The following UTP25 variants were observed in gnomAD, a reference collection of about 807,000 sequenced individuals.
UTP25 encodes UTP25 small subunit processome component.
UTP25 carries 50 observed loss-of-function variants against 78.9 expected under a neutral mutation model. The observed-to-expected ratio is 0.63, with a 90% CI of 0.50 to 0.80. The LOEUF is 0.80. Ranked by LOEUF, UTP25 falls within the 30% of genes least tolerant of loss-of-function variation. The probability of loss-of-function intolerance (pLI) is 0.00; values close to 1 mark genes in which losing one functional copy is unlikely to be tolerated. For synonymous variants in UTP25, 329 were observed against 336.5 expected, an observed-to-expected ratio of 0.98 and a Z score of 0.24; for missense variants, 846 against 911.3, an observed-to-expected ratio of 0.93 and a Z score of 0.92.
chr1:209,830,889 A>G lies in UTP25; in HGVS notation c.234A>G (p.Thr78=). The G allele has an allele frequency of 1.2e-6, 2 of 1,614,148 alleles. No individual in the cohort carries two copies. Among genetic ancestry groups the G allele is most frequent in the Non-Finnish European group, 1.7e-6 (2 of 1,179,982 alleles). ...CTGGCTACCACAGACTACTTGCTAC[A>G]TTAAAGAATGTTTCTGAGGAAGAAG... ...QVSGYHRLLA[T]LKNVSEEEEE... is the part of the protein sequence containing the mutation. The change falls in exon 3 of 12, where the codon ACA becomes ACG. Residue 78 remains threonine, a synonymous_variant. Transcript: ENST00000491415.
intron 5 of UTP25, among the ~76,000 whole-genome samples, chr1:209,836,427 T>C (rs1244890028): frequency 1.3e-5 from 2 of 152,222 alleles, no homozygotes; most frequent in African/African-American, 4.8e-5. Context: ...AGTTTTGTGA[T>C]GTTTATCAAG....
At chr1:209,844,385 C>T (rs2078183615) in intron 11 of UTP25, 1 of 152,222 alleles carries the variant, frequency 6.6e-6, no homozygotes, top group Non-Finnish European at 1.5e-5. Context: ...AATCCCAGCA[C>T]TTTGGGAGGC....
intron 3 of UTP25, 142 bp from the exon 4 acceptor site, chr1:209,833,043 T>C (rs1050316637): frequency 1.2e-6 from 1 of 835,918 alleles, no homozygotes; most frequent in Non-Finnish European, 1.8e-6. Context: ...AATTTTGAAA[T>C]CTATGTTTTC....
rs536204446 is a variant in UTP25, at chr1:209,832,662, C to T, written c.389-523C>T. Among the ~76,000 whole-genome samples the T allele has an allele frequency of 1.2e-3, 183 of 152,296 alleles. 3 individuals are homozygous for T. Among genetic ancestry groups the T allele is most frequent in the Non-Finnish European group, 4.6e-4 (31 of 68,038 alleles). On this transcript the variant is annotated intron_variant, in intron 3 of 11. Transcript: ENST00000491415. The stretch of plus-strand genomic sequence containing the variant: ...CTTTGGGAGGCTGAGGCAGGCAGAT[C>T]GATTGAGCTTAGGAGTTTGAGACCA...
At chr1:209,840,332 T>C (rs1417936803) in intron 7 of UTP25, among the ~76,000 whole-genome samples, 3 of 152,184 alleles carry the variant, frequency 2.0e-5, no homozygotes, top group Non-Finnish European at 4.4e-5. Context: ...TATTTGGATC[T>C]GGAAGGACAG....
intron 1 of UTP25, among the ~76,000 whole-genome samples, chr1:209,829,224 G>A (rs2078089007): frequency 6.6e-6 from 1 of 152,120 alleles, no homozygotes; most frequent in Admixed American, 6.5e-5. Context: ...AATTCTTTGC[G>A]TTGGGAACAT....
At position 209,856,502 on chromosome 1, in the gene UTP25, G is replaced by C. The variant is rs976241149; in HGVS notation, c.*5055G>C. On this transcript the variant is annotated 3_prime_UTR_variant, in exon 12 of 12. Coordinates refer to ENST00000491415, the MANE Select transcript of UTP25 (RefSeq NM_014388.7). ...GAGGCTATAAGCTCTGTACGTAGGA[G>C]AGTGGTGAAGAAAGGAGCTTGGTTC... 5 of 152,268 alleles carry C rather than the reference G, an allele frequency of 3.3e-5. No individual in the cohort carries two copies. Among genetic ancestry groups the C allele is most frequent in the Admixed American group, 2.0e-4 (3 of 15,280 alleles). 9.4% of individuals were successfully genotyped at this position (152,268 alleles called of 1,614,324 possible). A position where few individuals can be genotyped will look rare whatever the true frequency, so the allele number is the denominator to read the frequency against.
chr1:209,849,571 T>A (rs2102583008), intron 11 of UTP25, among the ~76,000 whole-genome samples: 1 of 152,106 alleles, frequency 6.6e-6, no homozygotes, highest in South Asian at 2.1e-4. Context: ...TTACCATGGG[T>A]TTCACGATAA....
At chr1:209,837,684 A>G (rs972164270) in intron 6 of UTP25, among the ~76,000 whole-genome samples, 3 of 152,214 alleles carry the variant, frequency 2.0e-5, no homozygotes, top group East Asian at 1.9e-4. Context: ...AGCCACATAC[A>G]TACGTCAGCC....
In UTP25 at chr1:209,844,986, A is replaced by G. The variant is rs2078189129; in HGVS notation, c.2027+1290A>G. 3.9e-5 allele frequency among the ~76,000 whole-genome samples: 6 copies of G among 152,336 alleles called. No homozygotes were observed. In the South Asian group the frequency reaches 1.2e-3, roughly 32 times the overall value. On this transcript the variant is annotated intron_variant, in intron 11 of 11. Coordinates refer to ENST00000491415, the MANE Select transcript of UTP25 (RefSeq NM_014388.7). Reference sequence around the variant, plus strand: ...TGGGTGCATTTTCTCAGAGAATCCTAAACAGATACGCCAGAAATCTCCCAA... The same window carrying G: ...TGGGTGCATTTTCTCAGAGAATCCTGAACAGATACGCCAGAAATCTCCCAA...
At chr1:209,841,976 C>A (rs980060035) in intron 8 of UTP25, among the ~76,000 whole-genome samples, 1 of 152,046 alleles carries the variant, frequency 6.6e-6, no homozygotes, top group Admixed American at 6.6e-5. Flanking sequence ...ACTTAGGGAC[C>A]CATAGAGAGA....
At chr1:209,842,946 T>A in intron 10 of UTP25, 1 of 468,918 alleles carries the variant, frequency 2.1e-6, no homozygotes, top group Non-Finnish European at 3.8e-6. Flanking sequence ...CACTCTTGAC[T>A]GTGGCATTTT....
chr1:209,830,480 C>T (rs1387236794), intron 2 of UTP25, among the ~76,000 whole-genome samples: 4 of 148,344 alleles, frequency 2.7e-5, no homozygotes, highest in African/African-American at 7.5e-5. Flanking sequence ...GAACAAAGGG[C>T]CTATCATATT....
In UTP25 at chr1:209,839,068, A is replaced by C; in HGVS notation, c.1222A>C (p.Lys408Gln). 1 of 1,614,094 alleles carries C rather than the reference A, an allele frequency of 6.2e-7. No homozygotes were observed. The highest frequency in any genetic ancestry group is 8.5e-7 in the Non-Finnish European group (1 of 1,179,960). The change falls in exon 7 of 12, where the codon AAG becomes CAG. Residue 408 changes from lysine (K) to glutamine (Q), a missense_variant. By Grantham distance (53) the Lys-to-Gln change is moderately conservative. Coordinates refer to ENST00000491415, the MANE Select transcript of UTP25 (RefSeq NM_014388.7). ...TCCCGAGGAGAGACCACCCAACTTG[A>C]AGAGGCCTGAGGATTATGAAGCCGT... ...SDPEERPPNL[K>Q]RPEDYEAVFV... is the part of the protein sequence containing the mutation.
At chr1:209,844,819 T>G (rs2078187734) in intron 11 of UTP25, among the ~76,000 whole-genome samples, 1 of 152,208 alleles carries the variant, frequency 6.6e-6, no homozygotes, top group South Asian at 2.1e-4. Context: ...ATTTTCAATT[T>G]TCATGGTTGC....
Position 209,851,552 on chromosome 1 carries a change from A to C in UTP25, c.*105A>C, listed in dbSNP as rs2078238601. The stretch of plus-strand genomic sequence containing the variant: ...TTACAGAAGAAGGACTGATACAAAG[A>C]AAGTGCATGAGGCAATGTCAGTATT... On this transcript the variant is annotated 3_prime_UTR_variant, in exon 12 of 12. Coordinates refer to ENST00000491415, the MANE Select transcript of UTP25 (RefSeq NM_014388.7). 1.4e-6 allele frequency: 2 copies of C among 1,403,012 alleles called. No individual in the cohort carries two copies. The highest frequency in any genetic ancestry group is 1.9e-6 in the Non-Finnish European group (2 of 1,042,352). 86.9% of individuals were successfully genotyped at this position (1,403,012 alleles called of 1,614,324 possible).
intron 2 of UTP25, 114 bp downstream of exon 2, chr1:209,830,261 A>G (rs1425905870): frequency 3.0e-6 from 3 of 989,000 alleles, no homozygotes; most frequent in Non-Finnish European, 4.4e-6. Flanking sequence ...GATGCAAGCT[A>G]TTATTTTGGC....
At position 209,852,860 on chromosome 1, in the gene UTP25, A is replaced by G. The variant is rs2078249192; in HGVS notation, c.*1413A>G. ...TCTAAATTTACTTTCATATCCATAT[A>G]TTGAAAACCATGAATTCACACCAGT... is the stretch of plus-strand genomic sequence containing the variant. On this transcript the variant is annotated 3_prime_UTR_variant, in exon 12 of 12. Transcript: ENST00000491415. 6.6e-6 allele frequency: 1 copy of G among 152,216 alleles called. No homozygotes were observed. Among genetic ancestry groups the G allele is most frequent in the African/African-American group, 2.4e-5 (1 of 41,442 alleles). 9.4% of individuals were successfully genotyped at this position (152,216 alleles called of 1,614,324 possible).
At chr1:209,829,558 ACTGCAGC>A (rs1571998395) in intron 1 of UTP25, among the ~76,000 whole-genome samples, 2 of 150,468 alleles carry the variant, frequency 1.3e-5, no homozygotes, top group Admixed American at 1.3e-4. Flanking sequence ...ATCCTGGCTC[ACTGCAGC>A]CACCACCTCC....
Sources: gnomAD v4.1 joint callset for allele counts (sites outside exome capture counted in the v4.1 genomes callset) on GRCh38, gnomAD v4.1.1 for gene constraint, MANE v1.5 for transcripts, NCBI Gene and HGNC (gene_info 2026-07-23, HGNC 2026-07-21) for gene names.